The following EPHA5 variants were observed in gnomAD, a reference collection of about 807,000 sequenced individuals.
EPHA5 encodes EPH receptor A5.
In EPHA5, 60 loss-of-function variants were observed where a neutral mutation model predicts 105.0. The ratio of observed to expected loss-of-function variants is 0.57; its 90% confidence interval spans 0.46 to 0.71. EPHA5 has a LOEUF of 0.71. Ranked by LOEUF, EPHA5 falls within the 30% of genes least tolerant of loss-of-function variation. The pLI, the probability that EPHA5 is intolerant of heterozygous loss-of-function variation, is 0.00. For synonymous variants in EPHA5, 513 were observed against 449.1 expected (o/e 1.14, Z -1.80); for missense variants, 1,218 against 1,274.7 (o/e 0.96, Z 0.68).
rs1721057083 is a variant in EPHA5 at position 65,335,225 on chromosome 4, C to CACTTCAAATAAA, written c.2789+706_2789+707insTTTATTTGAAGT. On this transcript the variant is annotated intron_variant, in intron 15 of 16. Coordinates refer to ENST00000613740, the MANE Select transcript of EPHA5 (RefSeq NM_001281766.3). ...TAACAATCTGGTAAATTTTCTAGTG[C>CACTTCAAATAAA]AGAATCAAACTGATTTATTTTTTGA... Among the ~76,000 whole-genome samples, 2 of 151,868 alleles carry CACTTCAAATAAA rather than the reference C, an allele frequency of 1.3e-5. 1 individual carries two copies. Among genetic ancestry groups the CACTTCAAATAAA allele is most frequent in the South Asian group, 4.1e-4 (2 of 4,824 alleles).
intron 3 of EPHA5, among the ~76,000 whole-genome samples, chr4:65,531,533 C>A (rs370119659): frequency 4.2e-5 from 5 of 119,404 alleles, no homozygotes; most frequent in South Asian, 5.7e-4. Context: ...GCAGAATGAC[C>A]ATGATCCAGG....
chr4:65,540,926 T>C (rs540594877), intron 3 of EPHA5, among the ~76,000 whole-genome samples: 4 of 150,042 alleles, frequency 2.7e-5, no homozygotes, highest in African/African-American at 9.7e-5. Context: ...CTAACTTCTG[T>C]TTAATAAAAA....
At chr4:65,560,274 C>A (rs1032134180) in intron 3 of EPHA5, among the ~76,000 whole-genome samples, 3 of 152,062 alleles carry the variant, frequency 2.0e-5, no homozygotes, top group African/African-American at 7.2e-5. Flanking sequence ...ACACACTAAT[C>A]CAGATACCTG....
At chr4:65,513,022 G>C (rs996612244) in intron 3 of EPHA5, among the ~76,000 whole-genome samples, 1 of 152,140 alleles carries the variant, frequency 6.6e-6, no homozygotes, top group African/African-American at 2.4e-5. Flanking sequence ...ATTTGGCTCT[G>C]AGCCTGTAGA....
intron 6 of EPHA5, among the ~76,000 whole-genome samples, chr4:65,417,033 G>A (rs1416622556): frequency 2.0e-5 from 3 of 152,216 alleles, no homozygotes; most frequent in Non-Finnish European, 4.4e-5. Flanking sequence ...TTCCCCAGCT[G>A]CTTAGCAAAC....
chr4:65,426,106 TG>T (rs1430837163), intron 5 of EPHA5, among the ~76,000 whole-genome samples: 16 of 152,172 alleles, frequency 1.1e-4, no homozygotes, highest in African/African-American at 3.9e-4. Flanking sequence ...TTGTTCATGC[TG>T]TAATTTTGTC....
At chr4:65,553,921 T>C (rs1738158208) in intron 3 of EPHA5, among the ~76,000 whole-genome samples, 1 of 152,054 alleles carries the variant, frequency 6.6e-6, no homozygotes, top group South Asian at 2.1e-4. Flanking sequence ...TTTCATTTTT[T>C]ATATTAGCTA....
chr4:65,479,365 C>G lies in EPHA5; in HGVS notation c.1402+11012G>C, dbSNP rs192540449. On this transcript the variant is annotated intron_variant, in intron 5 of 16. Transcript: ENST00000613740. ...AAAGTCCAGAGATTTAACCCATACACTAATCTGCTGTTCTATGTACTAGAT... is the reference window on the plus strand; with the variant it reads ...AAAGTCCAGAGATTTAACCCATACAGTAATCTGCTGTTCTATGTACTAGAT... Among the ~76,000 whole-genome samples the G allele has an allele frequency of 2.3e-3, 355 of 152,216 alleles. 7 individuals are homozygous for G. Among genetic ancestry groups the G allele is most frequent in the Non-Finnish European group, 1.1e-3 (73 of 68,004 alleles).
At chr4:65,652,577 T>A (rs1748701685) in intron 1 of EPHA5, among the ~76,000 whole-genome samples, 1 of 152,148 alleles carries the variant, frequency 6.6e-6, no homozygotes, top group African/African-American at 2.4e-5. Flanking sequence ...CCAAAGCTCT[T>A]TCTCTTGTAT....
intron 3 of EPHA5, among the ~76,000 whole-genome samples, chr4:65,597,623 A>T (rs1164889207): frequency 6.6e-6 from 1 of 152,178 alleles, no homozygotes; most frequent in Admixed American, 6.5e-5. Flanking sequence ...CTGTAGACTT[A>T]AATCAGTTTA....
intron 5 of EPHA5, among the ~76,000 whole-genome samples, chr4:65,460,298 T>G (rs2149128800): frequency 6.6e-6 from 1 of 151,636 alleles, no homozygotes; most frequent in African/African-American, 2.4e-5. Context: ...TATTCATATT[T>G]CTAAATGTGA....
At chr4:65,527,815 T>C (rs1023229807) in intron 3 of EPHA5, among the ~76,000 whole-genome samples, 26 of 152,074 alleles carry the variant, frequency 1.7e-4, no homozygotes, top group African/African-American at 6.0e-4. Context: ...TGTCCACTAA[T>C]TGTTTTTCCT....
intron 2 of EPHA5, among the ~76,000 whole-genome samples, chr4:65,610,492 C>T (rs1212287795): frequency 6.6e-6 from 1 of 151,746 alleles, no homozygotes; most frequent in Non-Finnish European, 1.5e-5. Flanking sequence ...TGTAACAAAC[C>T]TGCACATGTG....
chr4:65,631,480 C>T (rs997625262), intron 2 of EPHA5, among the ~76,000 whole-genome samples: 2 of 151,900 alleles, frequency 1.3e-5, no homozygotes, highest in African/African-American at 2.4e-5. Context: ...ACATAATGAA[C>T]TTATAAGTCT....
chr4:65,393,901 C>T (rs1720965557), intron 8 of EPHA5, among the ~76,000 whole-genome samples: 1 of 152,156 alleles, frequency 6.6e-6, no homozygotes, highest in Non-Finnish European at 1.5e-5. Flanking sequence ...GTCATACTTT[C>T]ATTAGACATT....
At chr4:65,359,938 C>T (rs369479501) in intron 11 of EPHA5, among the ~76,000 whole-genome samples, 1 of 151,510 alleles carries the variant, frequency 6.6e-6, no homozygotes, top group Non-Finnish European at 1.5e-5. Flanking sequence ...CCTACTACAT[C>T]GTTAATCTAA....
chr4:65,581,305 C>A, intron 3 of EPHA5, among the ~76,000 whole-genome samples: 1 of 151,786 alleles, frequency 6.6e-6, no homozygotes, highest in Middle Eastern at 3.4e-3. Flanking sequence ...AGTATGTATA[C>A]ATGTTAATAA....
At chr4:65,551,557 T>C (rs1737924672) in intron 3 of EPHA5, among the ~76,000 whole-genome samples, 1 of 152,156 alleles carries the variant, frequency 6.6e-6, no homozygotes. Flanking sequence ...GAATGATCAC[T>C]ACTTTTCTTA....
intron 5 of EPHA5, among the ~76,000 whole-genome samples, chr4:65,450,543 T>G (rs913856228): frequency 3.9e-5 from 6 of 152,182 alleles, no homozygotes; most frequent in African/African-American, 1.4e-4. Flanking sequence ...TGTTTCATTT[T>G]CAATTCCAAA....
Sources: gnomAD v4.1 joint callset for allele counts (sites outside exome capture counted in the v4.1 genomes callset) on GRCh38, gnomAD v4.1.1 for gene constraint, MANE v1.5 for transcripts, NCBI Gene and HGNC (gene_info 2026-07-23, HGNC 2026-07-21) for gene names.